Variants in SGK3 observed in about 807,000 individuals in gnomAD.
SGK3 encodes serum/glucocorticoid regulated kinase family member 3.
SGK3 carries 47 observed loss-of-function variants against 68.5 expected under a neutral mutation model. That is an observed-to-expected ratio of 0.69 (90% CI 0.54 to 0.87). The LOEUF (loss-of-function observed/expected upper bound fraction) is 0.87, where lower values mean the gene tolerates loss of function less well. Ranked by LOEUF, SGK3 falls within the 40% of genes least tolerant of loss-of-function variation. The pLI is 0.00. For synonymous variants in SGK3, 181 were observed against 189.1 expected (o/e 0.96, Z 0.35); for missense variants, 479 against 575.5 (o/e 0.83, Z 1.72).
rs371821711 is a variant in SGK3 at position 66,747,061 on chromosome 8, CA to C, written c.-122+34238del. Reference sequence around the variant, plus strand: ...AATTGCCTTTTAGAATTTCTCATTTCAAAAAAAAAAGGGTTTTTTTTCCCCA... The same window carrying C: ...AATTGCCTTTTAGAATTTCTCATTTCAAAAAAAAAGGGTTTTTTTTCCCCA... On this transcript the variant is annotated intron_variant, in intron 1 of 16. Transcript: ENST00000521198. Among the ~76,000 whole-genome samples the C allele has an allele frequency of 6.5e-3, 937 of 143,332 alleles. 33 individuals are homozygous for C. In the East Asian group the frequency reaches 0.11, roughly 17 times the overall value. The allele number at this position is 143,332 out of a possible 152,430, so 94.0% of individuals were successfully genotyped here. A position where few individuals can be genotyped will look rare whatever the true frequency, so the allele number is the denominator to read the frequency against.
At chr8:66,762,991 C>T (rs1806217954) in intron 1 of SGK3, among the ~76,000 whole-genome samples, 1 of 152,232 alleles carries the variant, frequency 6.6e-6, no homozygotes, top group African/African-American at 2.4e-5. Flanking sequence ...TTGGTTAGTG[C>T]TCTTTTTATG....
At chr8:66,780,400 A>G (rs1806925684) in intron 1 of SGK3, among the ~76,000 whole-genome samples, 1 of 152,238 alleles carries the variant, frequency 6.6e-6, no homozygotes, top group African/African-American at 2.4e-5. Flanking sequence ...CTCAATAAGC[A>G]AGCAACTGAA....
At chr8:66,839,323 C>A (rs1169792091) in intron 10 of SGK3, among the ~76,000 whole-genome samples, 1 of 150,806 alleles carries the variant, frequency 6.6e-6, no homozygotes, top group Non-Finnish European at 1.5e-5. Context: ...TGCTGTTTAG[C>A]TGCAGCCGGT....
At chr8:66,855,078 G>C (rs1456880191) in intron 16 of SGK3, among the ~76,000 whole-genome samples, 1 of 152,154 alleles carries the variant, frequency 6.6e-6, no homozygotes. Flanking sequence ...AGTAACCCTT[G>C]CAAGACCTAA....
At chr8:66,777,696 T>C (rs1471793660) in intron 1 of SGK3, among the ~76,000 whole-genome samples, 1 of 152,212 alleles carries the variant, frequency 6.6e-6, no homozygotes, top group Non-Finnish European at 1.5e-5. Context: ...TTCAAGTGAC[T>C]TCACATCCTT....
intron 1 of SGK3, 90 bp from the exon 2 acceptor site, chr8:66,793,526 A>G: frequency 2.3e-6 from 1 of 426,076 alleles, no homozygotes; most frequent in African/African-American, 2.0e-5. Flanking sequence ...TATCAGAATA[A>G]ACGAAAATTA....
chr8:66,840,092 AC>A lies in SGK3; in HGVS notation c.832del (p.His278IlefsTer5). 6.2e-7 allele frequency: 1 copy of A among 1,614,002 alleles called. No homozygotes were observed. Among genetic ancestry groups the A allele is most frequent in the Non-Finnish European group, 8.5e-7 (1 of 1,179,964 alleles). On this transcript the variant is annotated frameshift_variant, in exon 11 of 17. Transcript: ENST00000521198. LOFTEE classifies it high-confidence loss of function. ...AAATTGCTAGTGCATTGGGTTACTT[AC>A]ATTCCATCAAAATAGTATACAGGTA... The part of the protein sequence containing the change: ...AEIASALGYL[H>X]SIKIVYRDLK...
intron 1 of SGK3, among the ~76,000 whole-genome samples, chr8:66,724,123 C>G (rs1011585097): frequency 1.2e-4 from 18 of 152,180 alleles, no homozygotes; most frequent in African/African-American, 4.3e-4. Flanking sequence ...CAGGCTCATG[C>G]CACCATGCCC....
chr8:66,799,618 G>GTATT (rs1004549209), intron 3 of SGK3, among the ~76,000 whole-genome samples: 14 of 152,124 alleles, frequency 9.2e-5, no homozygotes, highest in Middle Eastern at 3.4e-3. Context: ...AATCCCCAAT[G>GTATT]TATTTATTTA....
chr8:66,764,645 G>A (rs539034676), intron 1 of SGK3, among the ~76,000 whole-genome samples: 4 of 151,586 alleles, frequency 2.6e-5, no homozygotes, highest in Admixed American at 2.6e-4. Context: ...ATTTTTTTTT[G>A]TTAATTTTGT....
intron 15 of SGK3, among the ~76,000 whole-genome samples, chr8:66,848,199 C>T (rs1810113972): frequency 6.6e-6 from 1 of 152,152 alleles, no homozygotes; most frequent in African/African-American, 2.4e-5. Context: ...TTCACACCTC[C>T]TTGTCCCTTG....
At chr8:66,824,618 A>C (rs977474268) in intron 6 of SGK3, among the ~76,000 whole-genome samples, 12 of 152,230 alleles carry the variant, frequency 7.9e-5, no homozygotes, top group Non-Finnish European at 1.8e-4. Flanking sequence ...GAATTGATGC[A>C]AATGGAATAA....
intron 5 of SGK3, among the ~76,000 whole-genome samples, chr8:66,815,346 C>T (rs1808535481): frequency 6.6e-6 from 1 of 152,136 alleles, no homozygotes; most frequent in Non-Finnish European, 1.5e-5. Context: ...TTAGACAGTG[C>T]AGTAAGAACA....
chr8:66,762,361 A>T (rs1806199447), intron 1 of SGK3, among the ~76,000 whole-genome samples: 1 of 152,216 alleles, frequency 6.6e-6, no homozygotes, highest in Admixed American at 6.5e-5. Flanking sequence ...TCTACTAAAA[A>T]TACAAATTAG....
chr8:66,762,719 A>C (rs1806211291), intron 1 of SGK3, among the ~76,000 whole-genome samples: 1 of 152,132 alleles, frequency 6.6e-6, no homozygotes, highest in South Asian at 2.1e-4. Context: ...ATCTCATTTT[A>C]AGTCTTTTAT....
At chr8:66,785,971 G>C (rs542869911) in intron 1 of SGK3, among the ~76,000 whole-genome samples, 1 of 152,272 alleles carries the variant, frequency 6.6e-6, no homozygotes, top group Non-Finnish European at 1.5e-5. Flanking sequence ...ACATATATAT[G>C]AATCTCCCAA....
At chr8:66,812,820 G>A (rs891252931) in intron 4 of SGK3, among the ~76,000 whole-genome samples, 1 of 152,128 alleles carries the variant, frequency 6.6e-6, no homozygotes, top group African/African-American at 2.4e-5. Flanking sequence ...TTAGGAAGTA[G>A]GAAAGACAAA....
chr8:66,730,536 A>G (rs1462687965), intron 1 of SGK3, among the ~76,000 whole-genome samples: 3 of 152,124 alleles, frequency 2.0e-5, no homozygotes, highest in Non-Finnish European at 4.4e-5. Context: ...AGGTCACAGA[A>G]ATTTACTCCT....
chr8:66,782,351 T>C (rs1158124348), intron 1 of SGK3, among the ~76,000 whole-genome samples: 1 of 152,086 alleles, frequency 6.6e-6, no homozygotes, highest in African/African-American at 2.4e-5. Context: ...CTTTTTTTTT[T>C]CATAGCTAAA....
Sources: gnomAD v4.1 joint callset for allele counts (sites outside exome capture counted in the v4.1 genomes callset) on GRCh38, gnomAD v4.1.1 for gene constraint, MANE v1.5 for transcripts, NCBI Gene and HGNC (gene_info 2026-07-23, HGNC 2026-07-21) for gene names.